FRMD4A: variants seen among roughly 807,000 people sequenced by gnomAD.
The protein encoded by FRMD4A is FERM domain-containing protein 4A.
Under a neutral mutation model 129.1 loss-of-function variants are expected in FRMD4A, and 29 were observed. That is an observed-to-expected ratio of 0.22 (90% CI 0.17 to 0.31). The LOEUF is 0.31. Among genes scored for constraint, FRMD4A ranks in the 10% least tolerant of loss-of-function variants. FRMD4A has a pLI of 1.00. For missense variants in FRMD4A, 1,272 were observed against 1,375.8 expected, an observed-to-expected ratio of 0.92 and a Z score of 1.19; for synonymous variants, 634 against 571.6, an observed-to-expected ratio of 1.11 and a Z score of -1.56.
intron 2 of FRMD4A, among the ~76,000 whole-genome samples, chr10:14,094,890 T>C (rs2131760775): frequency 6.6e-6 from 1 of 152,298 alleles, no homozygotes; most frequent in African/African-American, 2.4e-5. Context: ...CATGTATGTA[T>C]ATCTATGCCT....
rs72780860 is a variant in FRMD4A at position 14,329,986 on chromosome 10, A to G, written c.45+72T>C. The G allele has an allele frequency of 8.2e-3, 11,230 of 1,362,374 alleles. 296 individuals are homozygous for G. The highest frequency in any genetic ancestry group is 0.074 in the East Asian group (2,968 of 39,926). 84.4% of individuals were successfully genotyped at this position (1,362,374 alleles called of 1,614,324 possible). ...ACATGTCTGCAGCCACTGCAGCGGC[A>G]GCAGCAGCCCACGGTGCAGGGGAGG... On this transcript the variant is annotated intron_variant, in intron 2 of 24. Coordinates refer to ENST00000357447, the MANE Select transcript of FRMD4A (RefSeq NM_018027.5).
chr10:14,177,229 G>A (rs1002214952), intron 2 of FRMD4A, among the ~76,000 whole-genome samples: 6 of 151,468 alleles, frequency 4.0e-5, no homozygotes, highest in Admixed American at 1.3e-4. Context: ...ACAAAGTATC[G>A]CTCTGTTGCC....
intron 5 of FRMD4A, among the ~76,000 whole-genome samples, chr10:13,786,074 A>G (rs914353916): frequency 3.9e-5 from 6 of 152,226 alleles, no homozygotes; most frequent in African/African-American, 9.7e-5. Flanking sequence ...TAGTGCCACA[A>G]TAAACATACG....
chr10:13,883,728 A>G (rs2094572966), intron 2 of FRMD4A, among the ~76,000 whole-genome samples: 1 of 152,228 alleles, frequency 6.6e-6, no homozygotes, highest in Non-Finnish European at 1.5e-5. Context: ...CCACAAACAA[A>G]TACCAGCTTA....
chr10:13,706,368 C>T (rs1170323421), intron 13 of FRMD4A, among the ~76,000 whole-genome samples: 1 of 152,134 alleles, frequency 6.6e-6, no homozygotes, highest in Non-Finnish European at 1.5e-5. Context: ...ACCCCAGCCA[C>T]CTGGGGCTCC....
rs575312969 is a variant in FRMD4A, at chr10:14,329,264, C to G, written c.45+794G>C. Among the ~76,000 whole-genome samples, 90 of 152,302 alleles carry G rather than the reference C, an allele frequency of 5.9e-4. 1 individual carries two copies. The highest frequency in any genetic ancestry group is 2.1e-3 in the African/African-American group (88 of 41,548). On this transcript the variant is annotated intron_variant, in intron 2 of 24. Transcript: ENST00000357447. ...TGATGCAGGCTACTTCCGACAACAG[C>G]CAGTATTACCGTGGTGTGTGGGAAC...
chr10:14,029,400 T>C (rs1833130449), intron 2 of FRMD4A, among the ~76,000 whole-genome samples: 1 of 152,164 alleles, frequency 6.6e-6, no homozygotes, highest in African/African-American at 2.4e-5. Flanking sequence ...AATCATCTGC[T>C]TCAAACGCAT....
intron 2 of FRMD4A, among the ~76,000 whole-genome samples, chr10:13,997,202 T>A (rs992070522): frequency 1.3e-5 from 2 of 152,098 alleles, no homozygotes; most frequent in African/African-American, 4.8e-5. Context: ...CAATTGCAGC[T>A]CCATTTTTCT....
intron 2 of FRMD4A, among the ~76,000 whole-genome samples, chr10:14,228,596 T>C (rs1198039612): frequency 6.6e-6 from 1 of 152,226 alleles, no homozygotes; most frequent in East Asian, 1.9e-4. Flanking sequence ...GAGGGTGATA[T>C]AGCCAGGGTT....
chr10:13,809,991 C>T (rs1178047701), intron 4 of FRMD4A, among the ~76,000 whole-genome samples: 1 of 152,180 alleles, frequency 6.6e-6, no homozygotes, highest in Non-Finnish European at 1.5e-5. Flanking sequence ...CTCGGCTCCC[C>T]TGTACTGTCT....
At chr10:13,857,921 A>G (rs923231401) in intron 3 of FRMD4A, among the ~76,000 whole-genome samples, 3 of 152,212 alleles carry the variant, frequency 2.0e-5, no homozygotes, top group Non-Finnish European at 4.4e-5. Flanking sequence ...AAGTTGAAAA[A>G]GGTGAGGGTC....
At chr10:14,314,376 C>A (rs1330866922) in intron 2 of FRMD4A, among the ~76,000 whole-genome samples, 3 of 152,146 alleles carry the variant, frequency 2.0e-5, no homozygotes, top group Admixed American at 6.5e-5. Context: ...GAAAATGTAT[C>A]TTTTAAGATC....
intron 2 of FRMD4A, among the ~76,000 whole-genome samples, chr10:14,141,567 C>T (rs1171596669): frequency 8.6e-6 from 1 of 116,856 alleles, no homozygotes; most frequent in Non-Finnish European, 1.8e-5. Flanking sequence ...CCTTCTGCCC[C>T]TAACCCCTTC....
At chr10:14,324,724 G>A (rs555967560) in intron 2 of FRMD4A, among the ~76,000 whole-genome samples, 4 of 152,300 alleles carry the variant, frequency 2.6e-5, no homozygotes, top group South Asian at 4.1e-4. Context: ...GGCGTGCGCC[G>A]ATCTCGGCTC....
In FRMD4A at chr10:13,701,279, C is replaced by T. The variant is rs556633004; in HGVS notation, c.975+61G>A. 7 of 1,527,312 alleles carry T rather than the reference C, an allele frequency of 4.6e-6. No homozygotes were observed. In the Admixed American group the frequency reaches 6.9e-5, roughly 15 times the overall value. The allele number at this position is 1,527,312 out of a possible 1,614,324, so 94.6% of individuals were successfully genotyped here. Reference sequence around the variant, plus strand: ...GCGCCTCCCCCACCCATCCGATCCTCATTCCTAAACTAAGAGAGGCAGACA... The same window carrying T: ...GCGCCTCCCCCACCCATCCGATCCTTATTCCTAAACTAAGAGAGGCAGACA... On this transcript the variant is annotated intron_variant, in intron 14 of 24. Coordinates refer to ENST00000357447, the MANE Select transcript of FRMD4A (RefSeq NM_018027.5).
intron 2 of FRMD4A, among the ~76,000 whole-genome samples, chr10:13,969,154 G>A (rs543473801): frequency 6.6e-6 from 1 of 152,340 alleles, no homozygotes; most frequent in East Asian, 1.9e-4. Context: ...GCCTGGCTCT[G>A]CAGGCTGCTA....
chr10:14,071,195 G>T (rs1835301885), intron 2 of FRMD4A, among the ~76,000 whole-genome samples: 1 of 152,210 alleles, frequency 6.6e-6, no homozygotes, highest in African/African-American at 2.4e-5. Context: ...AGCCAGTAAA[G>T]AGTAAATAAG....
chr10:13,833,164 A>C (rs545181044), intron 3 of FRMD4A, among the ~76,000 whole-genome samples: 2 of 152,180 alleles, frequency 1.3e-5, no homozygotes, highest in South Asian at 4.1e-4. Flanking sequence ...CACATTGCCA[A>C]TAAAGACATA....
rs553869148 is a variant in FRMD4A at position 14,174,531 on chromosome 10, T to A, written c.45+155527A>T. 3.1e-5 allele frequency among the ~76,000 whole-genome samples: 4 copies of A among 130,266 alleles called. No homozygotes were observed. The South Asian group carries it at 1.0e-3, about 34-fold the overall frequency. The allele number at this position is 130,266 out of a possible 152,430, so 85.5% of individuals were successfully genotyped here. On this transcript the variant is annotated intron_variant, in intron 2 of 24. Transcript: ENST00000357447. Reference sequence around the variant, plus strand: ...AGAGCTGAGAGCACTGTTGCGTTTGTTCGTTCATTCATTCATTCATTCATT... The same window carrying A: ...AGAGCTGAGAGCACTGTTGCGTTTGATCGTTCATTCATTCATTCATTCATT...
Sources: allele counts gnomAD v4.1 joint callset (sites outside exome capture counted in the v4.1 genomes callset), GRCh38; gene constraint gnomAD v4.1.1; transcripts MANE v1.5; gene names NCBI Gene and HGNC (gene_info 2026-07-23, HGNC 2026-07-21).